DPY30: variants seen among roughly 807,000 people sequenced by gnomAD.
DPY30 encodes dpy-30 histone methyltransferase complex regulatory subunit.
In DPY30, 6 loss-of-function variants were observed where a neutral mutation model predicts 16.2. That is an observed-to-expected ratio of 0.37 (90% CI 0.20 to 0.73). The LOEUF is 0.73. Among genes scored for constraint, DPY30 ranks in the 30% least tolerant of loss-of-function variants. The pLI, the probability that DPY30 is intolerant of heterozygous loss-of-function variation, is 0.51. For synonymous variants in DPY30, 39 were observed against 38.8 expected (o/e 1.00, Z -0.02); for missense variants, 73 against 113.1 (o/e 0.65, Z 1.61).
At chr2:32,019,815 C>G (rs1265226136), downstream of DPY30, among the ~76,000 whole-genome samples, 2 of 119,192 alleles carry the variant, frequency 1.7e-5, no homozygotes, top group African/African-American at 6.6e-5. Flanking sequence ...AGCAAAACTC[C>G]GTCTCAAAAA....
At chr2:32,013,161 GAATT>G (rs2148648106) in intron 5 of DPY30, 1 of 152,238 alleles carries the variant, frequency 6.6e-6, no homozygotes, top group Admixed American at 6.5e-5. Flanking sequence ...CTTGCTGTGA[GAATT>G]ATTAAGGTAT....
chr2:32,014,855 A>C (rs1371401966), intron 5 of DPY30, among the ~76,000 whole-genome samples: 1 of 152,132 alleles, frequency 6.6e-6, no homozygotes, highest in African/African-American at 2.4e-5. Flanking sequence ...GTTTCAAAAA[A>C]GTGAAAAAAG....
intron 5 of DPY30, among the ~76,000 whole-genome samples, chr2:32,017,557 G>C (rs1675088437): frequency 6.6e-6 from 1 of 150,650 alleles, no homozygotes; most frequent in African/African-American, 2.4e-5. Context: ...GGAGGTTGCA[G>C]TGAGTCGAGA....
chr2:32,035,890 C>A (rs557918105), intron 3 of DPY30, among the ~76,000 whole-genome samples: 1 of 148,580 alleles, frequency 6.7e-6, no homozygotes, highest in Non-Finnish European at 1.5e-5. Flanking sequence ...GCCGAGATCA[C>A]GCCATTGCAC....
At chr2:32,033,359 A>G (rs1300320067) in intron 3 of DPY30, among the ~76,000 whole-genome samples, 1 of 151,702 alleles carries the variant, frequency 6.6e-6, no homozygotes, top group African/African-American at 2.4e-5. Context: ...TACAATGCCT[A>G]CAATAGGAAA....
chr2:32,033,753 AT>A (rs1024797583), intron 3 of DPY30, among the ~76,000 whole-genome samples: 1 of 152,260 alleles, frequency 6.6e-6, no homozygotes, highest in African/African-American at 2.4e-5. Context: ...CCTCCCATTT[AT>A]TTCATGTGAA....
chr2:32,030,631 A>G (rs79123902), intron 3 of DPY30, among the ~76,000 whole-genome samples: 5 of 135,518 alleles, frequency 3.7e-5, no homozygotes, highest in Non-Finnish European at 6.2e-5. Flanking sequence ...CTCAGTCTCA[A>G]AAAAAAAAAA....
rs941002712 is a variant in DPY30, at chr2:32,012,431, T to C, written n.378-379A>G. ...CTCTCTCTTTTTTCTTTTTTTTTTT[T>C]TTTTTTTTTTTTTTTTTGAGACAGA... On this transcript the variant is annotated intron_variant and non_coding_transcript_variant, in intron 5 of 5. Coordinates refer to the DPY30 transcript ENST00000414013. 3.3e-4 allele frequency among the ~76,000 whole-genome samples: 42 copies of C among 127,690 alleles called. 2 individuals carry two copies. Among genetic ancestry groups the C allele is most frequent in the African/African-American group, 1.2e-3 (40 of 33,948 alleles). 83.8% of individuals were successfully genotyped at this position (127,690 alleles called of 152,430 possible).
chr2:32,039,819 C>G (rs1472891005), upstream of DPY30: 1 of 329,508 alleles, frequency 3.0e-6, no homozygotes, highest in Non-Finnish European at 5.7e-6. Context: ...TGACGGCTGT[C>G]GCACGACTGC....
At chr2:32,016,419 G>A (rs1266533819) in intron 5 of DPY30, among the ~76,000 whole-genome samples, 1 of 152,002 alleles carries the variant, frequency 6.6e-6, no homozygotes, top group African/African-American at 2.4e-5. Flanking sequence ...GCCTCCAATT[G>A]GTAATGCCAT....
At chr2:32,025,968 C>T (rs569629333) in intron 4 of DPY30, among the ~76,000 whole-genome samples, 111 of 152,014 alleles carry the variant, frequency 7.3e-4, no homozygotes, top group African/African-American at 2.6e-3. Context: ...ATCAGCCAGG[C>T]GTGGTGGCGC....
intron 3 of DPY30, among the ~76,000 whole-genome samples, chr2:32,030,064 CAAAAAAAAA>C (rs398042393): frequency 9.7e-6 from 1 of 102,704 alleles, no homozygotes; most frequent in African/African-American, 3.5e-5. Context: ...AGTGTGTTCC[CAAAAAAAAA>C]AAAAAAAAAT....
downstream of DPY30, among the ~76,000 whole-genome samples, chr2:32,019,742 C>T (rs1300488451): frequency 6.7e-6 from 1 of 149,054 alleles, no homozygotes; most frequent in South Asian, 2.1e-4. Context: ...TTTGCTTGAA[C>T]CCAGGAGGCA....
Position 32,038,647 on chromosome 2 carries a change from CT to C in DPY30, c.84+631del, listed in dbSNP as rs10679637. Among the ~76,000 whole-genome samples the C allele has an allele frequency of 2.9e-3, 320 of 111,202 alleles. 1 individual carries two copies. The highest frequency in any genetic ancestry group is 9.8e-3 in the African/African-American group (273 of 27,894). 73.0% of individuals were successfully genotyped at this position (111,202 alleles called of 152,430 possible). A position where few individuals can be genotyped will look rare whatever the true frequency, so the allele number is the denominator to read the frequency against. ...ACAGGTTTCCTAATTTTATTTTTTA[CT>C]TTTTTTTTTTTTTTTTTTTGAGACG... On this transcript the variant is annotated intron_variant, in intron 3 of 4. Coordinates refer to ENST00000342166, the MANE Select transcript of DPY30 (RefSeq NM_001321209.2).
chr2:32,019,437 G>A (rs182805868), downstream of DPY30, among the ~76,000 whole-genome samples: 12 of 152,196 alleles, frequency 7.9e-5, no homozygotes, highest in Admixed American at 3.3e-4. Flanking sequence ...GGCTTGAGCC[G>A]AGGAGGCAGA....
chr2:32,028,228 C>T (rs1675406914), intron 4 of DPY30, among the ~76,000 whole-genome samples: 1 of 151,710 alleles, frequency 6.6e-6, no homozygotes. Context: ...GCGATCCTCC[C>T]ACCTTGGCCT....
At position 32,027,627 on chromosome 2, in the gene DPY30, ATT is replaced by A. The variant is rs1190753873; in HGVS notation, c.227+1965_227+1966del. Among the ~76,000 whole-genome samples, 905 of 117,786 alleles carry A rather than the reference ATT, an allele frequency of 7.7e-3. 3 individuals are homozygous for A. Among genetic ancestry groups the A allele is most frequent in the Non-Finnish European group, 0.012 (672 of 58,106 alleles). 77.3% of individuals were successfully genotyped at this position (117,786 alleles called of 152,430 possible). ...TACCTTCAAATCAACCAAGATACCC[ATT>A]TTTTTTTTTTTTTTTTTTTGAGACG... is the stretch of plus-strand genomic sequence containing the variant. On this transcript the variant is annotated intron_variant, in intron 4 of 4. Transcript: ENST00000342166.
At chr2:32,033,381 A>G (rs1675616256) in intron 3 of DPY30, among the ~76,000 whole-genome samples, 1 of 148,912 alleles carries the variant, frequency 6.7e-6, no homozygotes, top group African/African-American at 2.5e-5. Context: ...CCAATAAGAA[A>G]GAGCAATGTG....
At chr2:32,019,835 A>AT (rs1553386424), downstream of DPY30, among the ~76,000 whole-genome samples, 847 of 122,884 alleles carry the variant, frequency 6.9e-3, 4 homozygotes, top group African/African-American at 0.017. Context: ...AAAAAAAAAA[A>AT]ATATATATAT....
Sources: gnomAD v4.1 joint callset for allele counts (sites outside exome capture counted in the v4.1 genomes callset) on GRCh38, gnomAD v4.1.1 for gene constraint, MANE v1.5 for transcripts, NCBI Gene and HGNC (gene_info 2026-07-23, HGNC 2026-07-21) for gene names.